MAP4K4: variants seen among roughly 807,000 people sequenced by gnomAD.
MAP4K4 encodes mitogen-activated protein kinase kinase kinase kinase 4.
A neutral mutation model predicts 189.6 loss-of-function variants in MAP4K4; 38 were observed. That is an observed-to-expected ratio of 0.20 (90% CI 0.15 to 0.26). The LOEUF (loss-of-function observed/expected upper bound fraction) is 0.26, where lower values mean the gene tolerates loss of function less well. MAP4K4 is among the 10% of genes least tolerant of loss of function. The pLI is 1.00. For synonymous variants in MAP4K4, 610 were observed against 624.3 expected, an observed-to-expected ratio of 0.98 and a Z score of 0.34; for missense variants, 1,054 against 1,726.9, an observed-to-expected ratio of 0.61 and a Z score of 6.91.
chr2:101,857,022 T>G lies in MAP4K4; in HGVS notation c.1395+884T>G, dbSNP rs144816909. Among the ~76,000 whole-genome samples the G allele has an allele frequency of 5.0e-4, 76 of 152,388 alleles. 1 individual carries two copies. In the East Asian group the frequency reaches 0.012, roughly 24 times the overall value. Reference sequence around the variant, plus strand: ...TTTTTATGTTACCTAATTGACGTTGTCAACCATTTAACTGTGTAGCGCGTG... The same window carrying G: ...TTTTTATGTTACCTAATTGACGTTGGCAACCATTTAACTGTGTAGCGCGTG... On this transcript the variant is annotated intron_variant, in intron 13 of 32. Coordinates refer to ENST00000324219, the Ensembl canonical transcript of MAP4K4.
chr2:101,796,029 A>G (rs1247910803), intron 3 of MAP4K4, among the ~76,000 whole-genome samples: 2 of 152,178 alleles, frequency 1.3e-5, no homozygotes, highest in African/African-American at 4.8e-5. Context: ...AGGCAAACTT[A>G]TTATGTGGTG....
intron 2 of MAP4K4, among the ~76,000 whole-genome samples, chr2:101,789,288 C>T (rs1375677864): frequency 2.6e-5 from 4 of 152,160 alleles, no homozygotes; most frequent in Non-Finnish European, 5.9e-5. Context: ...TCAACAAAAT[C>T]ATCATTTGGT....
chr2:101,839,881 C>T, exon 10 of MAP4K4: 1 of 1,613,784 alleles, frequency 6.2e-7, no homozygotes, highest in Non-Finnish European at 8.5e-7. Context: ...CAGCGGCCCT[C>T]TACAGAGCAG....
chr2:101,861,324 G>A lies in MAP4K4; in HGVS notation c.1866+338G>A, dbSNP rs186799017. 3.2e-3 allele frequency: 608 copies of A among 189,588 alleles called. 2 individuals are homozygous for A. Among genetic ancestry groups the A allele is most frequent in the Middle Eastern group, 0.01 (5 of 478 alleles). 11.7% of individuals were successfully genotyped at this position (189,588 alleles called of 1,614,324 possible). ...AGAACTGGGATTATAAATACATAGAGGGAGAGCCAGGAATTTTCTTTGAAG... is the reference window on the plus strand; with the variant it reads ...AGAACTGGGATTATAAATACATAGAAGGAGAGCCAGGAATTTTCTTTGAAG... On this transcript the variant is annotated intron_variant, in intron 16 of 32. Coordinates refer to ENST00000324219, the Ensembl canonical transcript of MAP4K4.
At chr2:101,758,845 G>T (rs764730025) in intron 2 of MAP4K4, among the ~76,000 whole-genome samples, 72 of 152,066 alleles carry the variant, frequency 4.7e-4, no homozygotes, top group Non-Finnish European at 5.3e-4. Context: ...TATAAAGAAG[G>T]GTTGCTGGCC....
At chr2:101,858,532 G>A (rs1306488371) in intron 13 of MAP4K4, among the ~76,000 whole-genome samples, 1 of 152,136 alleles carries the variant, frequency 6.6e-6, no homozygotes, top group Non-Finnish European at 1.5e-5. Flanking sequence ...AATCATGTTT[G>A]TTGTATTTTA....
chr2:101,791,196 G>A (rs1294771702), intron 3 of MAP4K4, among the ~76,000 whole-genome samples: 3 of 152,042 alleles, frequency 2.0e-5, no homozygotes, highest in African/African-American at 7.2e-5. Context: ...TTTTAACATG[G>A]GGGAGGAAAA....
chr2:101,860,692 T>C, intron 15 of MAP4K4, 133 bp from the exon 16 acceptor site: 1 of 696,046 alleles, frequency 1.4e-6, no homozygotes, highest in Non-Finnish European at 2.3e-6. Flanking sequence ...TTTTTCCAGC[T>C]ACCCCTCTCT....
chr2:101,820,491 G>A (rs1195208978), intron 3 of MAP4K4, among the ~76,000 whole-genome samples: 7 of 152,168 alleles, frequency 4.6e-5, no homozygotes, highest in African/African-American at 1.4e-4. Flanking sequence ...CAGATTTACT[G>A]ACTTTTGGAT....
intron 3 of MAP4K4, among the ~76,000 whole-genome samples, chr2:101,806,417 C>T (rs1394767214): frequency 6.6e-6 from 1 of 150,634 alleles, no homozygotes; most frequent in African/African-American, 2.5e-5. Context: ...GCTCTGTCAC[C>T]CAGGCTGGAG....
intron 2 of MAP4K4, among the ~76,000 whole-genome samples, chr2:101,727,873 G>A (rs2056413585): frequency 6.6e-6 from 1 of 152,174 alleles, no homozygotes; most frequent in Non-Finnish European, 1.5e-5. Flanking sequence ...GGAGGTTGAG[G>A]CAGGAGGATC....
At chr2:101,856,965 C>T (rs1207110458) in intron 13 of MAP4K4, among the ~76,000 whole-genome samples, 2 of 152,192 alleles carry the variant, frequency 1.3e-5, no homozygotes, top group African/African-American at 4.8e-5. Flanking sequence ...TCTGCATGCT[C>T]CTCGGTGTTT....
intron 3 of MAP4K4, among the ~76,000 whole-genome samples, chr2:101,817,713 G>A (rs1211296974): frequency 6.6e-6 from 1 of 152,210 alleles, no homozygotes; most frequent in African/African-American, 2.4e-5. Flanking sequence ...AGGGCTTCAG[G>A]CCATTGCATG....
chr2:101,798,040 C>T (rs1350002743), intron 3 of MAP4K4, among the ~76,000 whole-genome samples: 1 of 151,512 alleles, frequency 6.6e-6, no homozygotes, highest in Non-Finnish European at 1.5e-5. Flanking sequence ...CCATCTCAGC[C>T]TCCTGAGTAG....
chr2:101,843,569 G>T (rs1208103176), intron 11 of MAP4K4, among the ~76,000 whole-genome samples: 1 of 152,148 alleles, frequency 6.6e-6, no homozygotes, highest in Non-Finnish European at 1.5e-5. Context: ...AAGTAACTCG[G>T]TGGGGAGGTC....
Position 101,829,602 on chromosome 2 carries a change from A to G in MAP4K4, c.508+8A>G, listed in dbSNP as rs2096526556. ...ATGCAGAGGTGAAACTTGGTATGTA[A>G]TGGATGTGCGGCGTGATCTCATAAT... On this transcript the variant is annotated splice_region_variant and intron_variant, in intron 6 of 32. Coordinates refer to ENST00000324219, the Ensembl canonical transcript of MAP4K4. 3 of 1,599,448 alleles carry G rather than the reference A, an allele frequency of 1.9e-6. No homozygotes were observed. Among genetic ancestry groups the G allele is most frequent in the Non-Finnish European group, 1.7e-6 (2 of 1,170,292 alleles).
intron 3 of MAP4K4, among the ~76,000 whole-genome samples, chr2:101,823,407 C>CG (rs1264463043): frequency 6.6e-6 from 1 of 152,218 alleles, no homozygotes; most frequent in Non-Finnish European, 1.5e-5. Context: ...ACAGACTACA[C>CG]CTCCAGCCTG....
chr2:101,787,995 G>A (rs1168629556), intron 2 of MAP4K4, among the ~76,000 whole-genome samples: 2 of 151,620 alleles, frequency 1.3e-5, no homozygotes, highest in African/African-American at 4.8e-5. Flanking sequence ...GTGGATTCGG[G>A]GTTTCACCAT....
chr2:101,851,926 G>T (rs1481093662), intron 12 of MAP4K4, among the ~76,000 whole-genome samples: 2 of 151,532 alleles, frequency 1.3e-5, no homozygotes, highest in South Asian at 4.2e-4. Context: ...ATTCATCTTT[G>T]TATATCTGTG....
Sources: gnomAD v4.1 joint callset for allele counts (sites outside exome capture counted in the v4.1 genomes callset) on GRCh38, gnomAD v4.1.1 for gene constraint, MANE v1.5 for transcripts, NCBI Gene and HGNC (gene_info 2026-07-23, HGNC 2026-07-21) for gene names.